Variants in RASGEF1C observed in about 807,000 individuals in gnomAD.
RASGEF1C encodes RasGEF domain family member 1C, also known as ras-GEF domain-containing family member 1C.
Under a neutral mutation model 58.1 loss-of-function variants are expected in RASGEF1C, and 27 were observed. The observed-to-expected ratio is 0.46, with a 90% CI of 0.34 to 0.64. RASGEF1C has a LOEUF of 0.64. RASGEF1C is among the 30% of genes least tolerant of loss of function. The probability of loss-of-function intolerance (pLI) is 0.01; values close to 1 mark genes in which losing one functional copy is unlikely to be tolerated. For missense variants in RASGEF1C, 502 were observed against 605.1 expected (o/e 0.83, Z 1.79); for synonymous variants, 243 against 246.3 (o/e 0.99, Z 0.13).
At chr5:180,117,940 G>A (rs1222683802) in intron 10 of RASGEF1C, among the ~76,000 whole-genome samples, 1 of 146,402 alleles carries the variant, frequency 6.8e-6, no homozygotes, top group Non-Finnish European at 1.5e-5. Flanking sequence ...GTTGCAGTGA[G>A]CCAAGATTGC....
intron 1 of RASGEF1C, among the ~76,000 whole-genome samples, chr5:180,186,248 T>G (rs1227691748): frequency 6.6e-6 from 1 of 152,268 alleles, no homozygotes; most frequent in East Asian, 1.9e-4. Context: ...ATGATCTCTA[T>G]TCACAGGTGG....
At chr5:180,122,449 T>C (rs1447908886) in intron 6 of RASGEF1C, among the ~76,000 whole-genome samples, 3 of 152,208 alleles carry the variant, frequency 2.0e-5, no homozygotes, top group Admixed American at 1.3e-4. Flanking sequence ...TTGTTAAAAC[T>C]GCCAGGGTAG....
intron 1 of RASGEF1C, among the ~76,000 whole-genome samples, chr5:180,173,726 A>G (rs868367720): frequency 1.2e-4 from 19 of 152,242 alleles, no homozygotes; most frequent in African/African-American, 4.3e-4. Context: ...CAGCCTGGCC[A>G]ACATGGTGAA....
intron 4 of RASGEF1C, among the ~76,000 whole-genome samples, chr5:180,129,896 C>T (rs993308589): frequency 3.9e-5 from 6 of 152,182 alleles, no homozygotes; most frequent in South Asian, 2.1e-4. Flanking sequence ...TAGGGGTTTC[C>T]GAGGGGAAAT....
Position 180,111,597 on chromosome 5 carries a change from GAC to G in RASGEF1C, c.1180-19_1180-18del. The G allele has an allele frequency of 6.2e-7, 1 of 1,614,114 alleles. No individual in the cohort carries two copies. The highest frequency in any genetic ancestry group is 1.6e-4 in the Middle Eastern group (1 of 6,062). ...CAGGAATTTCTGCCAGGGTCACAGAGACACAGAATGGAGGCACTCCAGTGCCT... is the reference window on the plus strand; with the variant it reads ...CAGGAATTTCTGCCAGGGTCACAGAGACAGAATGGAGGCACTCCAGTGCCT... On this transcript the variant is annotated intron_variant, in intron 11 of 13. Coordinates refer to ENST00000361132, the MANE Select transcript of RASGEF1C (RefSeq NM_175062.4).
Position 180,140,584 on chromosome 5 carries a change from G to A in RASGEF1C, c.-6-2526C>T, listed in dbSNP as rs1010555800. Among the ~76,000 whole-genome samples the A allele has an allele frequency of 2.6e-5, 4 of 152,176 alleles. No homozygotes were observed. The East Asian group carries it at 5.8e-4, about 22-fold the overall frequency. ...AGGTCAGAGCTGCTGCTACCAGCGG[G>A]CTCCCCCACCACTCCCACCCCTCCC... is the stretch of plus-strand genomic sequence containing the variant. On this transcript the variant is annotated intron_variant, in intron 1 of 13. Transcript: ENST00000361132.
chr5:180,134,447 A>C (rs1766431395), intron 4 of RASGEF1C, among the ~76,000 whole-genome samples: 1 of 151,622 alleles, frequency 6.6e-6, no homozygotes, highest in South Asian at 2.1e-4. Context: ...CTGCCTGGTC[A>C]TAGGACAGAC....
Position 180,143,515 on chromosome 5 carries a change from C to T in RASGEF1C, c.-6-5457G>A, listed in dbSNP as rs557964010. On this transcript the variant is annotated intron_variant, in intron 1 of 13. Transcript: ENST00000361132. The surrounding 1 kb of genome is among the most constrained non-coding windows in gnomAD (Gnocchi z 4.3). Reference sequence around the variant, plus strand: ...CAAGGGCCCTGCTGTTCCTCCTCAGCGTGGGGCTGGCAGAAGGTGGGCCGG... The same window carrying T: ...CAAGGGCCCTGCTGTTCCTCCTCAGTGTGGGGCTGGCAGAAGGTGGGCCGG... 3.0e-4 allele frequency among the ~76,000 whole-genome samples: 45 copies of T among 152,316 alleles called. No homozygotes were observed. The highest frequency in any genetic ancestry group is 5.3e-4 in the Non-Finnish European group (36 of 68,014).
rs559997476 is a variant in RASGEF1C, at chr5:180,167,088, C to G, written c.-6-29030G>C. Among the ~76,000 whole-genome samples, 16 of 152,208 alleles carry G rather than the reference C, an allele frequency of 1.1e-4. No homozygotes were observed. In the South Asian group the frequency reaches 3.1e-3, roughly 30 times the overall value. On this transcript the variant is annotated intron_variant, in intron 1 of 13. Transcript: ENST00000361132. ...TGAGATTCATCCTGTCTGGCGGGTT[C>G]TTGAACTGTAAGTTTATGTCTTTGA...
At chr5:180,119,812 T>C (rs1766136740) in intron 7 of RASGEF1C, among the ~76,000 whole-genome samples, 1 of 152,196 alleles carries the variant, frequency 6.6e-6, no homozygotes, top group Admixed American at 6.5e-5. Context: ...AGCCCTGGGC[T>C]TTCTCCTCTC....
chr5:180,168,066 C>A lies in RASGEF1C; in HGVS notation c.-6-30008G>T, dbSNP rs1383241394. Among the ~76,000 whole-genome samples the A allele has an allele frequency of 6.6e-6, 1 of 152,118 alleles. No individual in the cohort carries two copies. Among genetic ancestry groups the A allele is most frequent in the East Asian group, 1.9e-4 (1 of 5,200 alleles). On this transcript the variant is annotated intron_variant, in intron 1 of 13. Coordinates refer to ENST00000361132, the MANE Select transcript of RASGEF1C (RefSeq NM_175062.4). This position sits in a 1 kb window ranked among gnomAD's most constrained non-coding sequence, Gnocchi z 6.0. ...GCCTATGATGGGTTAATGCCATGCT[C>A]CTGCAGCTTAAGGATAAGCCCAGGA...
At chr5:180,103,153 C>T (rs1001050805) in intron 12 of RASGEF1C, among the ~76,000 whole-genome samples, 1 of 152,212 alleles carries the variant, frequency 6.6e-6, no homozygotes, top group African/African-American at 2.4e-5. Context: ...TCTCGGCTCA[C>T]TGCAAGCTCT....
intron 1 of RASGEF1C, among the ~76,000 whole-genome samples, chr5:180,154,620 G>A (rs377335142): frequency 2.7e-5 from 4 of 146,328 alleles, no homozygotes; most frequent in East Asian, 2.0e-4. Flanking sequence ...TCGCTCTGTC[G>A]CCCAGCCTGG....
intron 1 of RASGEF1C, among the ~76,000 whole-genome samples, chr5:180,141,985 G>C (rs1766587739): frequency 6.6e-6 from 1 of 152,102 alleles, no homozygotes. Context: ...TGGGACAATT[G>C]TTTATTGTTA....
intron 11 of RASGEF1C, 96 bp from the exon 12 acceptor site, chr5:180,111,676 C>T: frequency 7.1e-7 from 1 of 1,398,694 alleles, no homozygotes; most frequent in South Asian, 1.2e-5. Flanking sequence ...CCTCTCAACA[C>T]CCAGTGGCTT....
At chr5:180,105,711 T>C (rs192126625) in intron 12 of RASGEF1C, among the ~76,000 whole-genome samples, 13 of 151,562 alleles carry the variant, frequency 8.6e-5, no homozygotes, top group South Asian at 2.1e-4. Flanking sequence ...CTACTAAAAA[T>C]ACAAAAATTA....
chr5:180,121,680 CA>C (rs869161362), intron 6 of RASGEF1C, among the ~76,000 whole-genome samples: 1,003 of 28,130 alleles, frequency 0.036, 9 homozygotes, highest in African/African-American at 0.082. Context: ...CACACACACA[CA>C]CCCTCATTAT....
At position 180,177,536 on chromosome 5, in the gene RASGEF1C, G is replaced by A. The variant is rs879436446; in HGVS notation, c.-7+31492C>T. Among the ~76,000 whole-genome samples the A allele has an allele frequency of 4.6e-5, 7 of 152,214 alleles. No individual in the cohort carries two copies. Among genetic ancestry groups the A allele is most frequent in the Non-Finnish European group, 8.8e-5 (6 of 68,038 alleles). ...AGCTGTCCAAGGCCATGGCCTCTGC[G>A]GCTTCTGCCTGGCCAGCATCTGTTC... On this transcript the variant is annotated intron_variant, in intron 1 of 13. Coordinates refer to ENST00000361132, the MANE Select transcript of RASGEF1C (RefSeq NM_175062.4). This position sits in a 1 kb window ranked among gnomAD's most constrained non-coding sequence, Gnocchi z 5.0.
intron 1 of RASGEF1C, among the ~76,000 whole-genome samples, chr5:180,161,369 A>G (rs1410389013): frequency 6.6e-6 from 1 of 152,244 alleles, no homozygotes; most frequent in Non-Finnish European, 1.5e-5. Context: ...TCCTCCCTGG[A>G]AAGCGGAGGT....
Sources: allele counts gnomAD v4.1 joint callset (sites outside exome capture counted in the v4.1 genomes callset), GRCh38; gene constraint gnomAD v4.1.1; non-coding constraint Gnocchi (gnomAD v3.1); transcripts MANE v1.5; gene names NCBI Gene and HGNC (gene_info 2026-07-23, HGNC 2026-07-21).